ADGRB1: variants seen among roughly 807,000 people sequenced by gnomAD.
ADGRB1 encodes adhesion G protein-coupled receptor B1, also known as brain-specific angiogenesis inhibitor 1.
In ADGRB1, 36 loss-of-function variants were observed where a neutral mutation model predicts 175.7. The observed-to-expected ratio is 0.20, with a 90% confidence interval of 0.16 to 0.27. The LOEUF is 0.27. Ranked by LOEUF, ADGRB1 falls within the 10% of genes least tolerant of loss-of-function variation. The probability of loss-of-function intolerance (pLI) is 1.00; values close to 1 mark genes in which losing one functional copy is unlikely to be tolerated. For missense variants in ADGRB1, 1,731 were observed against 2,255.3 expected (o/e 0.77, Z 4.71); for synonymous variants, 1,054 against 979.4 (o/e 1.08, Z -1.42).
In ADGRB1 at chr8:142,483,474, A is replaced by G. The variant is rs139993689; in HGVS notation, c.2131-503A>G. On this transcript the variant is annotated intron_variant, in intron 11 of 30. Coordinates refer to ENST00000517894, the MANE Select transcript of ADGRB1 (RefSeq NM_001702.3). Reference sequence around the variant, plus strand: ...TGACCCTGGTCACACACTGAGCCTCAATCCTGGTTACATGCTGAACCCTGG... The same window carrying G: ...TGACCCTGGTCACACACTGAGCCTCGATCCTGGTTACATGCTGAACCCTGG... 6.6e-3 allele frequency among the ~76,000 whole-genome samples: 834 copies of G among 125,436 alleles called. 6 individuals are homozygous for G. The highest frequency in any genetic ancestry group is 0.06 in the Middle Eastern group (8 of 134). The allele number at this position is 125,436 out of a possible 152,430, so 82.3% of individuals were successfully genotyped here.
intron 24 of ADGRB1, 65 bp from the exon 25 acceptor site, chr8:142,533,230 G>A (rs946707979): frequency 6.5e-5 from 93 of 1,430,204 alleles, no homozygotes; most frequent in African/African-American, 1.3e-4. Context: ...GAGATGCAGG[G>A]TTCAGGGCAG....
At chr8:142,451,449 C>A (rs907737475) in intron 1 of ADGRB1, among the ~76,000 whole-genome samples, 3 of 151,634 alleles carry the variant, frequency 2.0e-5, no homozygotes, top group African/African-American at 7.2e-5. Flanking sequence ...GCGACCTCCC[C>A]GTTCTTCCTC....
chr8:142,471,659 C>G (rs913803410), intron 2 of ADGRB1, among the ~76,000 whole-genome samples: 5 of 152,264 alleles, frequency 3.3e-5, no homozygotes, highest in African/African-American at 1.2e-4. Flanking sequence ...GGGAGCCCCG[C>G]TGCCCCACGA....
chr8:142,525,346 CA>C (rs917629763), intron 23 of ADGRB1, among the ~76,000 whole-genome samples: 3 of 150,350 alleles, frequency 2.0e-5, no homozygotes, highest in African/African-American at 7.3e-5. Context: ...GGAAAGGGGA[CA>C]GAGACAGGAG....
chr8:142,536,613 C>T (rs1563751586), intron 25 of ADGRB1, among the ~76,000 whole-genome samples: 1 of 152,168 alleles, frequency 6.6e-6, no homozygotes, highest in South Asian at 2.1e-4. Flanking sequence ...TCAGAGGAGG[C>T]AACGACATTG....
At position 142,489,345 on chromosome 8, in the gene ADGRB1, C is replaced by A; in HGVS notation, c.2538C>A (p.Thr846=). 6.2e-7 allele frequency: 1 copy of A among 1,612,862 alleles called. No individual in the cohort carries two copies. The highest frequency in any genetic ancestry group is 8.5e-7 in the Non-Finnish European group (1 of 1,179,800). The stretch of plus-strand genomic sequence containing the variant: ...CCTCTGGCTCTTGCAGGAACACGAC[C>A]GTCCTGAATTCTAAGGTGATCTCCG... The part of the protein sequence containing the change: ...GSFLALQRNT[T]VLNSKVISVT... Residue 846 remains threonine, a synonymous_variant, in exon 16 of 31, where the codon ACC becomes ACA. Coordinates refer to ENST00000517894, the MANE Select transcript of ADGRB1 (RefSeq NM_001702.3).
In ADGRB1 at chr8:142,521,872, G is replaced by T. The variant is rs1325983922; in HGVS notation, c.3025-93G>T. ...TTGGGTCCCAGTGAGGGTGCTGGGT[G>T]CTGGGCTGCCAGCTGCAGACAGGCA... On this transcript the variant is annotated intron_variant, in intron 20 of 30. Coordinates refer to ENST00000517894, the MANE Select transcript of ADGRB1 (RefSeq NM_001702.3). 9 of 1,443,752 alleles carry T rather than the reference G, an allele frequency of 6.2e-6. No homozygotes were observed. In the African/African-American group the frequency reaches 1.3e-4, roughly 20 times the overall value. 89.4% of individuals were successfully genotyped at this position (1,443,752 alleles called of 1,614,324 possible). A position where few individuals can be genotyped will look rare whatever the true frequency, so the allele number is the denominator to read the frequency against.
intron 19 of ADGRB1, among the ~76,000 whole-genome samples, chr8:142,520,322 G>A (rs1053121596): frequency 2.7e-5 from 4 of 148,338 alleles, no homozygotes; most frequent in Non-Finnish European, 6.0e-5. Context: ...GGTGATGGCT[G>A]TGTTGGTAAT....
chr8:142,542,720 G>T lies in ADGRB1; in HGVS notation c.4413+73G>T, dbSNP rs1845355095. 3.7e-6 allele frequency: 5 copies of T among 1,359,486 alleles called. No individual in the cohort carries two copies. The South Asian group carries it at 5.6e-5, about 15-fold the overall frequency. The allele number at this position is 1,359,486 out of a possible 1,614,324, so 84.2% of individuals were successfully genotyped here. A position where few individuals can be genotyped will look rare whatever the true frequency, so the allele number is the denominator to read the frequency against. On this transcript the variant is annotated intron_variant, in intron 28 of 30. Coordinates refer to ENST00000517894, the MANE Select transcript of ADGRB1 (RefSeq NM_001702.3). This position sits in a 1 kb window ranked among gnomAD's most constrained non-coding sequence, Gnocchi z 6.3. ...TGCAGCAGCTGGGTCACCCCTGCTG[G>T]GTGGGACCCCCACGCCGTCAGCGGG...
At position 142,476,576 on chromosome 8, in the gene ADGRB1, G is replaced by A. The variant is rs1340362909; in HGVS notation, c.947-9G>A. 7 of 1,548,230 alleles carry A rather than the reference G, an allele frequency of 4.5e-6. No individual in the cohort carries two copies. The Admixed American group carries it at 5.9e-5, about 13-fold the overall frequency. On this transcript the variant is annotated splice_polypyrimidine_tract_variant and intron_variant, in intron 3 of 30. Coordinates refer to ENST00000517894, the MANE Select transcript of ADGRB1 (RefSeq NM_001702.3). ...ACCGCTCCTGTGCTGACCTAAGCCC[G>A]TCCTGCAGCCGCTGGGCGCACCAGC...
At chr8:142,491,371 G>A (rs1408513885) in intron 17 of ADGRB1, among the ~76,000 whole-genome samples, 2 of 152,248 alleles carry the variant, frequency 1.3e-5, no homozygotes, top group Non-Finnish European at 2.9e-5. Context: ...CGCCCCATGT[G>A]GGGTTCCGCA....
At chr8:142,505,273 G>A (rs758791404) in intron 17 of ADGRB1, among the ~76,000 whole-genome samples, 9 of 152,230 alleles carry the variant, frequency 5.9e-5, no homozygotes, top group East Asian at 3.9e-4. Flanking sequence ...GACAAGCATC[G>A]TCTAGGCGCT....
intron 18 of ADGRB1, among the ~76,000 whole-genome samples, chr8:142,512,647 G>A (rs893668325): frequency 7.2e-5 from 11 of 152,212 alleles, no homozygotes; most frequent in Non-Finnish European, 1.5e-4. Context: ...GTCCCTCTGA[G>A]CCTCAGTTTC....
intron 18 of ADGRB1, among the ~76,000 whole-genome samples, chr8:142,516,641 A>AT (rs1843460971): frequency 1.2e-5 from 1 of 86,392 alleles, no homozygotes; most frequent in African/African-American, 5.4e-5. Flanking sequence ...TGCGGGTCCC[A>AT]GGTGTGTGTG....
At chr8:142,527,356 C>T (rs753179131) in intron 24 of ADGRB1, among the ~76,000 whole-genome samples, 9 of 152,190 alleles carry the variant, frequency 5.9e-5, no homozygotes, top group African/African-American at 9.7e-5. Context: ...CCCTCCCCTC[C>T]GTGCCAGTCT....
Position 142,511,043 on chromosome 8 carries a change from C to A in ADGRB1, c.2787C>A (p.Phe929Leu). 1 of 1,294,856 alleles carries A rather than the reference C, an allele frequency of 7.7e-7. No individual in the cohort carries two copies. The highest frequency in any genetic ancestry group is 1.0e-6 in the Non-Finnish European group (1 of 1,003,398). The allele number at this position is 1,294,856 out of a possible 1,614,324, so 80.2% of individuals were successfully genotyped here. A position where few individuals can be genotyped will look rare whatever the true frequency, so the allele number is the denominator to read the frequency against. Residue 929 changes from phenylalanine (F) to leucine (L), a missense_variant, in exon 18 of 31, where the codon TTC (phenylalanine) becomes TTA (leucine). Physicochemically the swap from Phe to Leu is conservative, Grantham distance 22. Transcript: ENST00000517894. This position sits in a 1 kb window ranked among gnomAD's most constrained non-coding sequence, Gnocchi z 4.5. ...TRCLCDRLST[F>L]AILAQLSADA... is the part of the protein sequence containing the mutation. ...GCCTCTGTGACCGGCTCTCCACCTT[C>A]GCCATCTTAGCCCAGCTCAGCGCCG...
chr8:142,479,677 C>T lies in ADGRB1; in HGVS notation c.1727-16C>T. 5.0e-6 allele frequency: 8 copies of T among 1,610,568 alleles called. No individual in the cohort carries two copies. Among genetic ancestry groups the T allele is most frequent in the Non-Finnish European group, 6.8e-6 (8 of 1,177,616 alleles). On this transcript the variant is annotated splice_polypyrimidine_tract_variant and intron_variant, in intron 8 of 30. Transcript: ENST00000517894. ...CAGTACCCCTTCCTGAACCCCTGTC[C>T]CGGGCCCCTTGGCAGAGCCCCATGA...
chr8:142,469,480 A>AATGT (rs1491065202), intron 2 of ADGRB1, among the ~76,000 whole-genome samples: 2 of 101,138 alleles, frequency 2.0e-5, no homozygotes, highest in East Asian at 3.0e-4. Context: ...TGCATGTGTG[A>AATGT]GTGTGTATGC....
At chr8:142,470,838 GC>G (rs1235362881) in intron 2 of ADGRB1, among the ~76,000 whole-genome samples, 1 of 152,134 alleles carries the variant, frequency 6.6e-6, no homozygotes, top group Non-Finnish European at 1.5e-5. Context: ...AGGCCCACCT[GC>G]CCAGTGACCC....
Sources: gnomAD v4.1 joint callset for allele counts (sites outside exome capture counted in the v4.1 genomes callset) on GRCh38, gnomAD v4.1.1 for gene constraint, Gnocchi (gnomAD v3.1) non-coding constraint, MANE v1.5 for transcripts, NCBI Gene and HGNC (gene_info 2026-07-23, HGNC 2026-07-21) for gene names.